Variants in KIRREL3 observed in about 807,000 individuals in gnomAD.
The protein encoded by KIRREL3 is kin of IRRE-like protein 3.
Under a neutral mutation model 89.7 loss-of-function variants are expected in KIRREL3, and 36 were observed. The observed-to-expected ratio is 0.40, with a 90% CI of 0.31 to 0.53. The LOEUF is 0.53. Among genes scored for constraint, KIRREL3 ranks in the 20% least tolerant of loss-of-function variants. The pLI, the probability that KIRREL3 is intolerant of heterozygous loss-of-function variation, is 0.49. For synonymous variants in KIRREL3, 445 were observed against 441.4 expected (o/e 1.01, Z -0.10); for missense variants, 864 against 1,056.6 (o/e 0.82, Z 2.53).
Position 126,696,861 on chromosome 11 carries a change from T to G in KIRREL3, c.56-133949A>C, listed in dbSNP as rs183326567. On this transcript the variant is annotated intron_variant, in intron 1 of 16. Coordinates refer to ENST00000525144, the MANE Select transcript of KIRREL3 (RefSeq NM_032531.4). The surrounding 1 kb of genome is among the most constrained non-coding windows in gnomAD (Gnocchi z 4.4). ...ACTAGCGCTTACATCCAGACACTAC[T>G]GTACCACTTGCTTTCCGGGCAGATT... Among the ~76,000 whole-genome samples the G allele has an allele frequency of 6.6e-6, 1 of 152,332 alleles. No homozygotes were observed. Among genetic ancestry groups the G allele is most frequent in the African/African-American group, 2.4e-5 (1 of 41,570 alleles).
chr11:126,947,187 A>G (rs1223362613), intron 1 of KIRREL3, among the ~76,000 whole-genome samples: 1 of 152,148 alleles, frequency 6.6e-6, no homozygotes, highest in Non-Finnish European at 1.5e-5. Flanking sequence ...CCCCTTCACT[A>G]TGAAATAGTC....
chr11:127,002,675 C>G (rs1056992561), upstream of KIRREL3, among the ~76,000 whole-genome samples: 1 of 152,140 alleles, frequency 6.6e-6, no homozygotes, highest in Non-Finnish European at 1.5e-5. Flanking sequence ...GGGAATAGGA[C>G]AAATACTAGA....
At chr11:126,923,031 C>G (rs1947417829) in intron 1 of KIRREL3, among the ~76,000 whole-genome samples, 1 of 152,162 alleles carries the variant, frequency 6.6e-6, no homozygotes, top group Non-Finnish European at 1.5e-5. Context: ...GGCAGCATGC[C>G]CTCCTGGTTT....
In KIRREL3 at chr11:126,526,235, C is replaced by G. The variant is rs997253475; in HGVS notation, c.283+303G>C. On this transcript the variant is annotated intron_variant, in intron 3 of 16. Coordinates refer to ENST00000525144, the MANE Select transcript of KIRREL3 (RefSeq NM_032531.4). This position sits in a 1 kb window ranked among gnomAD's most constrained non-coding sequence, Gnocchi z 5.7. ...CACAGGAACACTTGATTTCTGGAAA[C>G]TGGAATTTACATGAATCATGTTTGA... 8.5e-5 allele frequency among the ~76,000 whole-genome samples: 13 copies of G among 152,140 alleles called. No homozygotes were observed. Among genetic ancestry groups the G allele is most frequent in the Admixed American group, 7.9e-4 (12 of 15,280 alleles).
At chr11:126,857,729 G>A (rs1709194320) in intron 1 of KIRREL3, among the ~76,000 whole-genome samples, 1 of 138,664 alleles carries the variant, frequency 7.2e-6, no homozygotes, top group South Asian at 2.4e-4. Flanking sequence ...ACCCTTCCTT[G>A]CCTGATTCCA....
At chr11:126,818,096 CA>C (rs1324546542) in intron 1 of KIRREL3, among the ~76,000 whole-genome samples, 17 of 152,306 alleles carry the variant, frequency 1.1e-4, no homozygotes, top group South Asian at 2.1e-4. Flanking sequence ...GTGGCTGTAT[CA>C]GGGGGGCAAG....
intron 1 of KIRREL3, among the ~76,000 whole-genome samples, chr11:126,735,173 A>T (rs1442225911): frequency 6.6e-6 from 1 of 152,164 alleles, no homozygotes; most frequent in Non-Finnish European, 1.5e-5. Context: ...GACACCTTTT[A>T]TGTCTCTGTA....
rs754652092 is a variant in KIRREL3, at chr11:126,681,888, C to T, written c.56-118976G>A. 4.4e-4 allele frequency: 199 copies of T among 454,800 alleles called. 1 individual carries two copies. Among genetic ancestry groups the T allele is most frequent in the Middle Eastern group, 9.7e-4 (3 of 3,094 alleles). The allele number at this position is 454,800 out of a possible 1,614,324, so 28.2% of individuals were successfully genotyped here. ...GTACTTTGCAAACAAATCAAATGTA[C>T]GTTTAGGAAGATGAAATCATGCAAC... On this transcript the variant is annotated intron_variant, in intron 1 of 16. Coordinates refer to ENST00000525144, the MANE Select transcript of KIRREL3 (RefSeq NM_032531.4).
intron 7 of KIRREL3, among the ~76,000 whole-genome samples, chr11:126,453,293 TGAGA>T (rs1314205004): frequency 6.6e-6 from 1 of 152,084 alleles, no homozygotes; most frequent in Non-Finnish European, 1.5e-5. Context: ...TGGGGAACAC[TGAGA>T]GACTCTCAGA....
chr11:126,464,594 AGAG>A (rs1315806801), intron 5 of KIRREL3, among the ~76,000 whole-genome samples: 3 of 151,894 alleles, frequency 2.0e-5, no homozygotes, highest in East Asian at 1.9e-4. Flanking sequence ...GTGAAAGAGA[AGAG>A]GAGGAGGAGG....
rs1426614139 is a variant in KIRREL3 at position 126,948,155 on chromosome 11, T to C, written c.55+52300A>G. 6.6e-6 allele frequency among the ~76,000 whole-genome samples: 1 copy of C among 152,250 alleles called. No homozygotes were observed. Among genetic ancestry groups the C allele is most frequent in the Non-Finnish European group, 1.5e-5 (1 of 68,040 alleles). On this transcript the variant is annotated intron_variant, in intron 1 of 16. Coordinates refer to ENST00000525144, the MANE Select transcript of KIRREL3 (RefSeq NM_032531.4). This position sits in a 1 kb window ranked among gnomAD's most constrained non-coding sequence, Gnocchi z 4.5. ...TGCCTAGTGGTTAACCCTCAATAAATGCTTTTTGTAATCAACTTAAAGTAT... is the reference window on the plus strand; with the variant it reads ...TGCCTAGTGGTTAACCCTCAATAAACGCTTTTTGTAATCAACTTAAAGTAT...
chr11:126,759,860 A>G (rs1444407356), intron 1 of KIRREL3, among the ~76,000 whole-genome samples: 1 of 152,232 alleles, frequency 6.6e-6, no homozygotes, highest in Non-Finnish European at 1.5e-5. Context: ...ATCTAGAATA[A>G]GAGACACGTC....
chr11:126,489,149 T>C lies in KIRREL3; in HGVS notation c.434-15683A>G, dbSNP rs553821891. Among the ~76,000 whole-genome samples the C allele has an allele frequency of 6.6e-6, 1 of 152,250 alleles. No homozygotes were observed. The highest frequency in any genetic ancestry group is 1.9e-4 in the East Asian group (1 of 5,174). On this transcript the variant is annotated intron_variant, in intron 4 of 16. Transcript: ENST00000525144. This position sits in a 1 kb window ranked among gnomAD's most constrained non-coding sequence, Gnocchi z 5.5. ...TCAGCCTGGGACCTCAGCATGGGGC[T>C]GAGCAGGACGGAAGCTGTAGATGGA...
rs746961615 is a variant in KIRREL3 at position 126,561,901 on chromosome 11, T to C, written c.133+934A>G. On this transcript the variant is annotated intron_variant, in intron 2 of 16. Transcript: ENST00000525144. The surrounding 1 kb of genome is among the most constrained non-coding windows in gnomAD (Gnocchi z 4.5). The stretch of plus-strand genomic sequence containing the variant: ...GCTGAGGAGCTTGGAAAGAGGGCAC[T>C]GAGACCATGCTATGGGGATAGAGAT... 7.9e-5 allele frequency among the ~76,000 whole-genome samples: 12 copies of C among 152,138 alleles called. No individual in the cohort carries two copies. Among genetic ancestry groups the C allele is most frequent in the Non-Finnish European group, 1.3e-4 (9 of 68,024 alleles).
intron 1 of KIRREL3, among the ~76,000 whole-genome samples, chr11:126,810,307 C>T (rs368521906): frequency 4.5e-4 from 68 of 152,186 alleles, no homozygotes; most frequent in East Asian, 5.8e-4. Context: ...GCAGCAACAG[C>T]GGAAATCAGT....
chr11:126,447,126 A>T (rs887716238), intron 8 of KIRREL3, among the ~76,000 whole-genome samples: 1 of 152,070 alleles, frequency 6.6e-6, no homozygotes, highest in Admixed American at 6.5e-5. Flanking sequence ...TCTTGGGCCC[A>T]TGGAGGTGGT....
intron 4 of KIRREL3, among the ~76,000 whole-genome samples, chr11:126,488,865 A>G (rs1158982338): frequency 6.6e-6 from 1 of 152,052 alleles, no homozygotes; most frequent in Non-Finnish European, 1.5e-5. Flanking sequence ...AGGCCTGGCC[A>G]CCTTTGCAGC....
intron 1 of KIRREL3, among the ~76,000 whole-genome samples, chr11:126,871,294 C>G (rs576355441): frequency 3.3e-5 from 5 of 152,272 alleles, no homozygotes; most frequent in Non-Finnish European, 7.4e-5. Flanking sequence ...ACATGCAGGA[C>G]CACCTTTGAG....
intron 1 of KIRREL3, among the ~76,000 whole-genome samples, chr11:126,803,214 G>A (rs1210272381): frequency 6.6e-6 from 1 of 152,180 alleles, no homozygotes; most frequent in Non-Finnish European, 1.5e-5. Flanking sequence ...ATAAGAAAGT[G>A]TGAGACGTCC....
Sources: allele counts gnomAD v4.1 joint callset (sites outside exome capture counted in the v4.1 genomes callset), GRCh38; gene constraint gnomAD v4.1.1; non-coding constraint Gnocchi (gnomAD v3.1); transcripts MANE v1.5; gene names NCBI Gene and HGNC (gene_info 2026-07-23, HGNC 2026-07-21).